VAV3: variants seen among roughly 807,000 people sequenced by gnomAD.
The protein encoded by VAV3 is guanine nucleotide exchange factor VAV3.
VAV3 carries 94 observed loss-of-function variants against 131.2 expected under a neutral mutation model. The observed-to-expected ratio is 0.72, with a 90% CI of 0.61 to 0.85. The LOEUF is 0.85. VAV3 is among the 40% of genes least tolerant of loss of function. The pLI is 0.00. For missense variants in VAV3, 939 were observed against 1,002.7 expected, an observed-to-expected ratio of 0.94 and a Z score of 0.86; for synonymous variants, 349 against 342.0, an observed-to-expected ratio of 1.02 and a Z score of -0.22.
At chr1:107,962,227 A>C (rs1227698194) in intron 1 of VAV3, among the ~76,000 whole-genome samples, 1 of 152,190 alleles carries the variant, frequency 6.6e-6, no homozygotes, top group Admixed American at 6.5e-5. Flanking sequence ...GACATCTCTA[A>C]CTCCAGGGGA....
intron 2 of VAV3, among the ~76,000 whole-genome samples, chr1:107,861,990 G>C (rs772219981): frequency 6.6e-6 from 1 of 151,538 alleles, no homozygotes; most frequent in African/African-American, 2.4e-5. Context: ...ACTGCTCTAC[G>C]CACTGGCCTG....
intron 19 of VAV3, among the ~76,000 whole-genome samples, chr1:107,660,358 G>C (rs1023442987): frequency 3.9e-5 from 6 of 152,182 alleles, no homozygotes; most frequent in South Asian, 2.1e-4. Context: ...TTATCCAAGT[G>C]AGTGGGAAGG....
At chr1:107,830,022 A>T (rs1293595445) in intron 2 of VAV3, among the ~76,000 whole-genome samples, 1 of 152,190 alleles carries the variant, frequency 6.6e-6, no homozygotes, top group Admixed American at 6.5e-5. Context: ...AAAACTACTT[A>T]AAACTCCTTA....
chr1:107,949,501 A>G lies in VAV3; in HGVS notation c.204+15165T>C, dbSNP rs544884528. On this transcript the variant is annotated intron_variant, in intron 1 of 26. Coordinates refer to ENST00000370056, the MANE Select transcript of VAV3 (RefSeq NM_006113.5). ...AATTAAAAAAATAATTGTAGAGATA[A>G]GCTCTATGTTGCCAAGGCTGGTCTT... is the stretch of plus-strand genomic sequence containing the variant. Among the ~76,000 whole-genome samples, 3 of 152,182 alleles carry G rather than the reference A, an allele frequency of 2.0e-5. No individual in the cohort carries two copies. In the Middle Eastern group the frequency reaches 0.01, roughly 521 times the overall value.
intron 15 of VAV3, among the ~76,000 whole-genome samples, chr1:107,707,133 A>C (rs932675878): frequency 6.6e-6 from 1 of 152,234 alleles, no homozygotes; most frequent in Non-Finnish European, 1.5e-5. Flanking sequence ...GGGAATAAAG[A>C]CTTAAAGTGG....
At chr1:107,619,811 C>A (rs1653431318) in intron 20 of VAV3, among the ~76,000 whole-genome samples, 1 of 152,162 alleles carries the variant, frequency 6.6e-6, no homozygotes, top group Admixed American at 6.6e-5. Flanking sequence ...ATGCAGTGTA[C>A]AGGAGAATAA....
At chr1:107,638,397 A>G (rs80127119) in intron 20 of VAV3, among the ~76,000 whole-genome samples, 7,783 of 152,302 alleles carry the variant, frequency 0.051, 220 homozygotes, top group Middle Eastern at 0.088. Flanking sequence ...CTCACAATGA[A>G]CAACATAAAT....
chr1:107,649,877 T>C (rs995199624), intron 19 of VAV3, among the ~76,000 whole-genome samples: 14 of 152,082 alleles, frequency 9.2e-5, no homozygotes, highest in African/African-American at 3.1e-4. Flanking sequence ...GCTCATATTT[T>C]AGTGGAGGAG....
At chr1:107,666,812 C>T (rs927525294) in intron 19 of VAV3, among the ~76,000 whole-genome samples, 2 of 152,144 alleles carry the variant, frequency 1.3e-5, no homozygotes, top group Non-Finnish European at 1.5e-5. Flanking sequence ...AGCCTCATGA[C>T]AACCCTATGA....
intron 20 of VAV3, among the ~76,000 whole-genome samples, chr1:107,626,873 G>A (rs903997502): frequency 6.6e-6 from 1 of 152,148 alleles, no homozygotes; most frequent in Non-Finnish European, 1.5e-5. Flanking sequence ...TTTCTGTAAT[G>A]TTCTTCTTTG....
intron 1 of VAV3, among the ~76,000 whole-genome samples, chr1:107,937,337 T>C (rs1236949566): frequency 6.6e-6 from 1 of 152,206 alleles, no homozygotes; most frequent in Non-Finnish European, 1.5e-5. Flanking sequence ...CTTTGCACAA[T>C]GAATGTGGCT....
chr1:107,898,229 A>G (rs1203068669), intron 1 of VAV3, among the ~76,000 whole-genome samples: 1 of 152,216 alleles, frequency 6.6e-6, no homozygotes, highest in Non-Finnish European at 1.5e-5. Flanking sequence ...AGGGAATTAC[A>G]CACAACAAAT....
intron 17 of VAV3, among the ~76,000 whole-genome samples, chr1:107,689,290 A>G (rs148963523): frequency 1.3e-5 from 2 of 152,258 alleles, no homozygotes; most frequent in African/African-American, 4.8e-5. Context: ...CTAAAGAAGC[A>G]TCTGAAAAGA....
rs879249783 is a variant in VAV3, at chr1:107,760,679, G to A, written c.1017+105C>T. On this transcript the variant is annotated intron_variant, in intron 10 of 26. Transcript: ENST00000370056. ...TATAATAATAATTCAAAATTTTAAG[G>A]GGATTGGGCCCAACACATGGAATAT... 7 of 767,936 alleles carry A rather than the reference G, an allele frequency of 9.1e-6. No homozygotes were observed. In the South Asian group the frequency reaches 1.4e-4, roughly 15 times the overall value. The allele number at this position is 767,936 out of a possible 1,614,324, so 47.6% of individuals were successfully genotyped here.
chr1:107,861,826 C>A (rs1038546318), intron 2 of VAV3, among the ~76,000 whole-genome samples: 1 of 151,632 alleles, frequency 6.6e-6, no homozygotes, highest in African/African-American at 2.4e-5. Context: ...TACACAGAAA[C>A]AAAGAATGAG....
In VAV3 at chr1:107,636,753, CCATCAT is replaced by C. The variant is rs537552917; in HGVS notation, c.1914+5860_1914+5865del. On this transcript the variant is annotated intron_variant, in intron 20 of 26. Transcript: ENST00000370056. ...AAAATTGAAAAATCATTAAATCAAA[CCATCAT>C]AAGGCAAGGACCATCTGTATTTTGA... Among the ~76,000 whole-genome samples, 236 of 152,210 alleles carry C rather than the reference CCATCAT, an allele frequency of 1.6e-3. 2 individuals are homozygous for C. Among genetic ancestry groups the C allele is most frequent in the Admixed American group, 3.0e-3 (46 of 15,284 alleles).
chr1:107,579,805 A>G (rs969209145), intron 25 of VAV3, among the ~76,000 whole-genome samples: 1 of 152,160 alleles, frequency 6.6e-6, no homozygotes, highest in Non-Finnish European at 1.5e-5. Flanking sequence ...TGAAATCTGC[A>G]TCCATTTCCA....
At chr1:107,708,778 T>C (rs1660604076) in intron 15 of VAV3, among the ~76,000 whole-genome samples, 1 of 152,132 alleles carries the variant, frequency 6.6e-6, no homozygotes, top group Non-Finnish European at 1.5e-5. Flanking sequence ...CAATGAATTT[T>C]TCCCTCTCCC....
intron 19 of VAV3, among the ~76,000 whole-genome samples, chr1:107,663,792 G>T (rs958110668): frequency 2.1e-4 from 32 of 152,108 alleles, no homozygotes; most frequent in Admixed American, 1.8e-3. Flanking sequence ...AACTCCTATT[G>T]TTCTAATTTG....
Sources: allele counts gnomAD v4.1 joint callset (sites outside exome capture counted in the v4.1 genomes callset), GRCh38; gene constraint gnomAD v4.1.1; transcripts MANE v1.5; gene names NCBI Gene and HGNC (gene_info 2026-07-23, HGNC 2026-07-21).